Variants in CHCHD3 observed in about 807,000 individuals in gnomAD.
CHCHD3 encodes MICOS complex subunit MIC19.
A neutral mutation model predicts 38.2 loss-of-function variants in CHCHD3; 20 were observed. That is an observed-to-expected ratio of 0.52 (90% confidence interval 0.37 to 0.76). The LOEUF (loss-of-function observed/expected upper bound fraction) is 0.76, where lower values mean the gene tolerates loss of function less well. Among genes scored for constraint, CHCHD3 ranks in the 30% least tolerant of loss-of-function variants. The pLI is 0.00. For missense variants in CHCHD3, 245 were observed against 279.2 expected, an observed-to-expected ratio of 0.88 and a Z score of 0.87; for synonymous variants, 82 against 100.0, an observed-to-expected ratio of 0.82 and a Z score of 1.07.
chr7:132,814,390 A>G (rs1204718920), intron 6 of CHCHD3, among the ~76,000 whole-genome samples: 2 of 152,188 alleles, frequency 1.3e-5, no homozygotes, highest in African/African-American at 4.8e-5. Flanking sequence ...CCACCAAAGG[A>G]CATTTAGAAA....
chr7:132,855,908 T>C (rs955035166), intron 5 of CHCHD3, among the ~76,000 whole-genome samples: 1 of 26,698 alleles, frequency 3.7e-5, no homozygotes, highest in Non-Finnish European at 7.2e-5. Context: ...GTGGGTGGGA[T>C]GGGGAGAAAA....
intron 2 of CHCHD3, among the ~76,000 whole-genome samples, chr7:133,060,657 C>T (rs1814478218): frequency 6.6e-6 from 1 of 152,100 alleles, no homozygotes; most frequent in Non-Finnish European, 1.5e-5. Flanking sequence ...GCCTGTAATC[C>T]CAGCACTTTG....
intron 4 of CHCHD3, among the ~76,000 whole-genome samples, chr7:132,898,663 C>T (rs535487645): frequency 6.6e-5 from 10 of 152,358 alleles, no homozygotes; most frequent in African/African-American, 1.9e-4. Flanking sequence ...GGGGGTGGCG[C>T]TCGTCGAGGA....
At chr7:132,840,660 T>C (rs1472036924) in intron 5 of CHCHD3, among the ~76,000 whole-genome samples, 1 of 152,182 alleles carries the variant, frequency 6.6e-6, no homozygotes, top group Non-Finnish European at 1.5e-5. Flanking sequence ...ATCTGTTAAA[T>C]GTTTTCACAG....
intron 3 of CHCHD3, among the ~76,000 whole-genome samples, chr7:132,994,299 A>T (rs572300487): frequency 2.6e-4 from 40 of 152,346 alleles, no homozygotes; most frequent in African/African-American, 6.7e-4. Context: ...TAGCTCACTA[A>T]TAATAATCAA....
intron 4 of CHCHD3, among the ~76,000 whole-genome samples, chr7:132,943,947 T>C (rs998970016): frequency 3.9e-5 from 6 of 152,078 alleles, no homozygotes; most frequent in African/African-American, 1.4e-4. Flanking sequence ...AGGCAAGTAA[T>C]TCCCACCACA....
intron 4 of CHCHD3, among the ~76,000 whole-genome samples, chr7:132,890,579 G>T (rs1016466322): frequency 1.3e-5 from 2 of 152,100 alleles, no homozygotes; most frequent in Non-Finnish European, 2.9e-5. Context: ...TTAAGGCAAG[G>T]TTCTGTGCTA....
intron 3 of CHCHD3, among the ~76,000 whole-genome samples, chr7:133,018,947 G>T (rs562073096): frequency 6.3e-5 from 9 of 142,532 alleles, no homozygotes; most frequent in African/African-American, 2.3e-4. Context: ...GCAGTGGCGC[G>T]ATCTTGGCTC....
chr7:132,966,690 T>C (rs568377551), intron 4 of CHCHD3, among the ~76,000 whole-genome samples: 1 of 152,320 alleles, frequency 6.6e-6, no homozygotes, highest in Non-Finnish European at 1.5e-5. Context: ...TTGTGTGACT[T>C]GCCATGAAGA....
intron 7 of CHCHD3, among the ~76,000 whole-genome samples, chr7:132,791,428 T>C (rs202132913): frequency 6.6e-6 from 1 of 152,350 alleles, no homozygotes; most frequent in South Asian, 2.1e-4. Flanking sequence ...ATATGATCTC[T>C]AGGGTCCTTT....
intron 3 of CHCHD3, among the ~76,000 whole-genome samples, chr7:132,981,076 C>T (rs1811905580): frequency 6.6e-6 from 1 of 152,078 alleles, no homozygotes; most frequent in African/African-American, 2.4e-5. Context: ...ACCTCTGCCT[C>T]CCAGGCTCAA....
intron 4 of CHCHD3, among the ~76,000 whole-genome samples, chr7:132,958,206 T>TA (rs751073821): frequency 3.9e-5 from 6 of 152,246 alleles, no homozygotes; most frequent in Non-Finnish European, 7.3e-5. Context: ...CCAGAGTTGT[T>TA]ACACCAGGGC....
chr7:132,820,344 T>C (rs1415633865), intron 6 of CHCHD3, among the ~76,000 whole-genome samples: 4 of 152,168 alleles, frequency 2.6e-5, no homozygotes, highest in Non-Finnish European at 5.9e-5. Context: ...TAAACTAGAG[T>C]AATAGTATTA....
intron 4 of CHCHD3, among the ~76,000 whole-genome samples, chr7:132,923,137 C>G (rs1003616141): frequency 6.6e-6 from 1 of 152,114 alleles, no homozygotes; most frequent in African/African-American, 2.4e-5. Flanking sequence ...GATATTGTCC[C>G]AACAATGTCA....
intron 3 of CHCHD3, among the ~76,000 whole-genome samples, chr7:133,006,564 T>C (rs1380379670): frequency 6.6e-6 from 1 of 152,116 alleles, no homozygotes; most frequent in Non-Finnish European, 1.5e-5. Context: ...CATATGGGCA[T>C]AACACAACAC....
chr7:132,821,598 A>G (rs1472331056), intron 6 of CHCHD3, among the ~76,000 whole-genome samples: 2 of 152,196 alleles, frequency 1.3e-5, no homozygotes, highest in Non-Finnish European at 2.9e-5. Flanking sequence ...CTTGTAGTAT[A>G]TTAAACATTT....
At chr7:132,909,026 G>A (rs1486840633) in intron 4 of CHCHD3, among the ~76,000 whole-genome samples, 2 of 152,054 alleles carry the variant, frequency 1.3e-5, no homozygotes, top group Non-Finnish European at 2.9e-5. Flanking sequence ...TTATCCCCAT[G>A]CTGTTCTCAT....
intron 3 of CHCHD3, among the ~76,000 whole-genome samples, chr7:132,978,011 C>T (rs1056844033): frequency 4.6e-5 from 7 of 152,072 alleles, no homozygotes; most frequent in Admixed American, 4.6e-4. Flanking sequence ...TCTAAACTTC[C>T]TATCTGAATA....
intron 2 of CHCHD3, among the ~76,000 whole-genome samples, chr7:133,050,443 C>G (rs1412721112): frequency 7.0e-6 from 1 of 142,918 alleles, no homozygotes; most frequent in Admixed American, 7.1e-5. Flanking sequence ...TTTTTAACAA[C>G]TGCTACATTA....
Sources: allele counts gnomAD v4.1 joint callset (sites outside exome capture counted in the v4.1 genomes callset), GRCh38; gene constraint gnomAD v4.1.1; transcripts MANE v1.5; gene names NCBI Gene and HGNC (gene_info 2026-07-23, HGNC 2026-07-21).